MAP1B: variants seen among roughly 807,000 people sequenced by gnomAD.
MAP1B encodes microtubule-associated protein 1B.
In MAP1B, 12 loss-of-function variants were observed where a neutral mutation model predicts 176.1. The observed-to-expected ratio is 0.07, with a 90% CI of 0.04 to 0.11. The LOEUF (loss-of-function observed/expected upper bound fraction) is 0.11, where lower values mean the gene tolerates loss of function less well. MAP1B is among the 10% of genes least tolerant of loss of function. The pLI, the probability that MAP1B is intolerant of heterozygous loss-of-function variation, is 1.00. For missense variants in MAP1B, 2,523 were observed against 2,990.5 expected (o/e 0.84, Z 3.65); for synonymous variants, 1,044 against 1,135.0 (o/e 0.92, Z 1.61).
intron 2 of MAP1B, among the ~76,000 whole-genome samples, chr5:72,163,931 T>TTA: frequency 2.3e-4 from 2 of 8,820 alleles, no homozygotes; most frequent in East Asian, 2.9e-3. Flanking sequence ...TTTTTTTTTC[T>TTA]TTTTTTTTTT....
chr5:72,194,180 T>G lies in MAP1B; in HGVS notation c.825T>G (p.Phe275Leu). Residue 275 changes from phenylalanine (F) to leucine (L), a missense_variant, in exon 5 of 7, where the codon TTT becomes TTG. Physicochemically the swap from Phe to Leu is conservative, Grantham distance 22. Transcript: ENST00000296755. The surrounding 1 kb of genome is among the most constrained non-coding windows in gnomAD (Gnocchi z 7.2). The stretch of plus-strand genomic sequence containing the variant: ...GAGGGAGGGGCGATTCTGCCTTGTT[T>G]GCAGTGAATGGTTTCAATATGCTCA... ...FPGGRGDSAL[F>L]AVNGFNMLIN... The G allele has an allele frequency of 6.2e-7, 1 of 1,614,248 alleles. No homozygotes were observed. The highest frequency in any genetic ancestry group is 8.5e-7 in the Non-Finnish European group (1 of 1,180,040).
intron 2 of MAP1B, among the ~76,000 whole-genome samples, chr5:72,173,409 A>T (rs1252384029): frequency 6.6e-6 from 1 of 152,184 alleles, no homozygotes; most frequent in Non-Finnish European, 1.5e-5. Context: ...ACCTCCAGAA[A>T]ACCATGTCTT....
rs113686147 is a variant in MAP1B at position 72,109,759 on chromosome 5, T to C, written c.184+2044T>C. On this transcript the variant is annotated intron_variant, in intron 1 of 6. Coordinates refer to ENST00000296755, the MANE Select transcript of MAP1B (RefSeq NM_005909.5). ...GTTAGTGCAGGGTTGGCTAACATCC[T>C]ATGATGGGAGGAAGGTTTCAGTACA... Among the ~76,000 whole-genome samples, 260 of 152,338 alleles carry C rather than the reference T, an allele frequency of 1.7e-3. 3 individuals are homozygous for C. Among genetic ancestry groups the C allele is most frequent in the African/African-American group, 6.0e-3 (250 of 41,568 alleles).
At chr5:72,158,456 A>G (rs80200141) in intron 2 of MAP1B, among the ~76,000 whole-genome samples, 2,245 of 152,294 alleles carry the variant, frequency 0.015, 37 homozygotes, top group East Asian at 0.042. Context: ...GAGAAAAGAA[A>G]GAGGAGAGGT....
chr5:72,174,332 C>T (rs1256371880), intron 2 of MAP1B, among the ~76,000 whole-genome samples: 1 of 152,128 alleles, frequency 6.6e-6, no homozygotes, highest in Non-Finnish European at 1.5e-5. Context: ...ATTGTATAAA[C>T]CATAAAGTCC....
At chr5:72,201,314 G>A (rs1747330751) in intron 5 of MAP1B, among the ~76,000 whole-genome samples, 1 of 151,920 alleles carries the variant, frequency 6.6e-6, no homozygotes, top group South Asian at 2.1e-4. Context: ...CAAGGCTGCA[G>A]TGAGCCAGAA....
Position 72,186,856 on chromosome 5 carries a change from C to T in MAP1B, c.510+102C>T. 7.3e-7 allele frequency: 1 copy of T among 1,367,938 alleles called. No individual in the cohort carries two copies. Among genetic ancestry groups the T allele is most frequent in the Non-Finnish European group, 1.0e-6 (1 of 984,864 alleles). The allele number at this position is 1,367,938 out of a possible 1,614,324, so 84.7% of individuals were successfully genotyped here. A position where few individuals can be genotyped will look rare whatever the true frequency, so the allele number is the denominator to read the frequency against. ...GACAAAAGAAGAAGGGAGGGAACCT[C>T]ACAGCTCTCCTGAAATAAGCAAAAC... On this transcript the variant is annotated intron_variant, in intron 4 of 6. Coordinates refer to ENST00000296755, the MANE Select transcript of MAP1B (RefSeq NM_005909.5). The surrounding 1 kb of genome is among the most constrained non-coding windows in gnomAD (Gnocchi z 4.3).
At chr5:72,144,353 G>T (rs575200589) in intron 2 of MAP1B, among the ~76,000 whole-genome samples, 4 of 152,170 alleles carry the variant, frequency 2.6e-5, no homozygotes, top group African/African-American at 9.6e-5. Flanking sequence ...TATCTATTTT[G>T]CCTGCTCAGA....
chr5:72,184,530 T>C (rs997905200), intron 3 of MAP1B, among the ~76,000 whole-genome samples: 10 of 152,226 alleles, frequency 6.6e-5, no homozygotes, highest in African/African-American at 2.4e-4. Flanking sequence ...TTAGCTGTGA[T>C]TGTTATTATT....
chr5:72,163,548 T>A (rs575170889), intron 2 of MAP1B, among the ~76,000 whole-genome samples: 3 of 152,318 alleles, frequency 2.0e-5, no homozygotes, highest in Admixed American at 6.5e-5. Context: ...AGATTAGGAA[T>A]CAGATACTTT....
chr5:72,195,213 G>A lies in MAP1B; in HGVS notation c.1858G>A (p.Val620Met). 1 of 1,613,892 alleles carries A rather than the reference G, an allele frequency of 6.2e-7. No homozygotes were observed. Among genetic ancestry groups the A allele is most frequent in the Non-Finnish European group, 8.5e-7 (1 of 1,180,006 alleles). The change falls in exon 5 of 7, where the codon GTG becomes ATG. Residue 620 changes from valine to methionine, a missense_variant. Transcript: ENST00000296755. Reference sequence around the variant, plus strand: ...AGAGCCATCTCCAGTGAAAGCCGAGGTGGCTGAGAAGCAAGCCACAGATGT... The same window carrying A: ...AGAGCCATCTCCAGTGAAAGCCGAGATGGCTGAGAAGCAAGCCACAGATGT... ...KEEPSPVKAE[V>M]AEKQATDVKP...
chr5:72,190,807 A>T lies in MAP1B; in HGVS notation c.511-3059A>T, dbSNP rs141307644. Among the ~76,000 whole-genome samples the T allele has an allele frequency of 8.5e-3, 1,296 of 152,334 alleles. 9 individuals carry two copies. The highest frequency in any genetic ancestry group is 0.027 in the Middle Eastern group (8 of 294). On this transcript the variant is annotated intron_variant, in intron 4 of 6. Transcript: ENST00000296755. Reference sequence around the variant, plus strand: ...TATTAAATGTCTGGCTAAAACCCAGAGATACACTGTCTACTGTATTTCCTC... The same window carrying T: ...TATTAAATGTCTGGCTAAAACCCAGTGATACACTGTCTACTGTATTTCCTC...
Position 72,186,202 on chromosome 5 carries a change from G to A in MAP1B, c.370-412G>A, listed in dbSNP as rs888780944. ...AACCTGGACTGTACATGGTGATTCA[G>A]CCTGTGAGATAGTTCCGTCTTCCCT... On this transcript the variant is annotated intron_variant, in intron 3 of 6. Coordinates refer to ENST00000296755, the MANE Select transcript of MAP1B (RefSeq NM_005909.5). The surrounding 1 kb of genome is among the most constrained non-coding windows in gnomAD (Gnocchi z 4.3). 1.3e-5 allele frequency among the ~76,000 whole-genome samples: 2 copies of A among 152,152 alleles called. No homozygotes were observed. Among genetic ancestry groups the A allele is most frequent in the African/African-American group, 4.8e-5 (2 of 41,426 alleles).
In MAP1B at chr5:72,186,471, C is replaced by T; in HGVS notation, c.370-143C>T. The T allele has an allele frequency of 1.0e-6, 1 of 963,608 alleles. No homozygotes were observed. The highest frequency in any genetic ancestry group is 1.6e-6 in the Non-Finnish European group (1 of 642,798). The allele number at this position is 963,608 out of a possible 1,614,324, so 59.7% of individuals were successfully genotyped here. A position where few individuals can be genotyped will look rare whatever the true frequency, so the allele number is the denominator to read the frequency against. The stretch of plus-strand genomic sequence containing the variant: ...ATTCAACCCTCCCGTGCTCTTCTGG[C>T]CTCCAGGAGAAATTAGACCTTTGGG... On this transcript the variant is annotated intron_variant, in intron 3 of 6. Coordinates refer to ENST00000296755, the MANE Select transcript of MAP1B (RefSeq NM_005909.5). This position sits in a 1 kb window ranked among gnomAD's most constrained non-coding sequence, Gnocchi z 4.3.
At chr5:72,127,488 G>A (rs1745650851) in intron 2 of MAP1B, among the ~76,000 whole-genome samples, 1 of 152,112 alleles carries the variant, frequency 6.6e-6, no homozygotes, top group Non-Finnish European at 1.5e-5. Context: ...GCAAAAAAGT[G>A]TTAATTCACT....
rs753305663 is a variant in MAP1B, at chr5:72,198,605, A to G, written c.5250A>G (p.Leu1750=). ...QIASPLQEDT[L]SDVAPPRDMS... Reference sequence around the variant, plus strand: ...CTTCTCCTCTCCAAGAAGATACTCTATCCGATGTTGCTCCTCCCAGAGATA... The same window carrying G: ...CTTCTCCTCTCCAAGAAGATACTCTGTCCGATGTTGCTCCTCCCAGAGATA... The change falls in exon 5 of 7, where the codon CTA becomes CTG. Residue 1750 remains leucine, a synonymous_variant. Coordinates refer to ENST00000296755, the MANE Select transcript of MAP1B (RefSeq NM_005909.5). The G allele has an allele frequency of 1.2e-6, 2 of 1,614,144 alleles. No homozygotes were observed. The highest frequency in any genetic ancestry group is 1.7e-5 in the Admixed American group (1 of 60,020).
rs1157892664 is a variant in MAP1B at position 72,188,734 on chromosome 5, AT to A, written c.510+1983del. 2.0e-5 allele frequency among the ~76,000 whole-genome samples: 3 copies of A among 152,138 alleles called. No homozygotes were observed. The East Asian group carries it at 5.8e-4, about 29-fold the overall frequency. On this transcript the variant is annotated intron_variant, in intron 4 of 6. Transcript: ENST00000296755. ...TTTGCCACTAATTACAGAAAAAAAA[AT>A]TTGCCCTAACTGAAGAACTCGAGTT...
Position 72,209,321 on chromosome 5 carries a change from ACTC to A in MAP1B, c.*4086_*4088del, listed in dbSNP as rs941609920. 6.6e-6 allele frequency: 1 copy of A among 151,234 alleles called. No homozygotes were observed. The highest frequency in any genetic ancestry group is 1.5e-5 in the Non-Finnish European group (1 of 67,828). 9.4% of individuals were successfully genotyped at this position (151,234 alleles called of 1,614,324 possible). On this transcript the variant is annotated 3_prime_UTR_variant, in exon 7 of 7. Coordinates refer to ENST00000296755, the MANE Select transcript of MAP1B (RefSeq NM_005909.5). ...TGAGCCCAGCTGAGAAGCACTTCAC[ACTC>A]CTCTCTCTTGTTCTGAATGGTGTTT... is the stretch of plus-strand genomic sequence containing the variant.
chr5:72,159,946 C>T (rs1031347217), intron 2 of MAP1B, among the ~76,000 whole-genome samples: 1 of 152,164 alleles, frequency 6.6e-6, no homozygotes, highest in African/African-American at 2.4e-5. Flanking sequence ...CAGAATCACA[C>T]CCAACTAGCT....
Sources: gnomAD v4.1 joint callset for allele counts (sites outside exome capture counted in the v4.1 genomes callset) on GRCh38, gnomAD v4.1.1 for gene constraint, Gnocchi (gnomAD v3.1) non-coding constraint, MANE v1.5 for transcripts, NCBI Gene and HGNC (gene_info 2026-07-23, HGNC 2026-07-21) for gene names.